Variants in GOLGA3 observed in about 807,000 individuals in gnomAD.
The protein encoded by GOLGA3 is golgin subfamily A member 3.
GOLGA3 carries 75 observed loss-of-function variants against 169.4 expected under a neutral mutation model. The observed-to-expected ratio is 0.44, with a 90% CI of 0.37 to 0.54. The LOEUF (loss-of-function observed/expected upper bound fraction) is 0.54. GOLGA3 is among the 20% of genes least tolerant of loss of function. The pLI is 0.00. For synonymous variants in GOLGA3, 824 were observed against 822.4 expected, an observed-to-expected ratio of 1.00 and a Z score of -0.03; for missense variants, 1,899 against 1,930.0, an observed-to-expected ratio of 0.98 and a Z score of 0.30.
In GOLGA3 at chr12:132,816,816, G is replaced by A; in HGVS notation, c.134-4C>T. 4 of 1,586,924 alleles carry A rather than the reference G, an allele frequency of 2.5e-6. No individual in the cohort carries two copies. The highest frequency in any genetic ancestry group is 3.4e-6 in the Non-Finnish European group (4 of 1,162,596). ...GATGCTCTGTTTACCTCGGCACCTG[G>A]AAAGACAGAGCACGCTGGACCACCA... On this transcript the variant is annotated splice_polypyrimidine_tract_variant and splice_region_variant and intron_variant, in intron 2 of 23. Transcript: ENST00000450791.
intron 8 of GOLGA3, 130 bp downstream of exon 8, chr12:132,801,636 TG>T: frequency 1.2e-6 from 1 of 821,300 alleles, no homozygotes; most frequent in Non-Finnish European, 2.0e-6. Flanking sequence ...GGACACGGGG[TG>T]GGCTGGACAG....
Position 132,808,410 on chromosome 12 carries a change from C to T in GOLGA3, c.659G>A (p.Gly220Glu). The change falls in exon 5 of 24, where the codon GGG (glycine) becomes GAG (glutamate). Residue 220 changes from glycine (G) to glutamate (E), a missense_variant. By Grantham distance (98) the Gly-to-Glu change is moderately conservative (BLOSUM62 -2). Coordinates refer to ENST00000450791, the MANE Select transcript of GOLGA3 (RefSeq NM_001389683.1). ...YSFLRTSVPRGPKVGSLGLPA... is the reference protein window; with the variant it reads ...YSFLRTSVPREPKVGSLGLPA... Reference sequence around the variant, plus strand: ...AAGCCCCAGGCTGCCCACCTTAGGCCCCCGAGGGACACTGGTGCGCAGGAA... The same window carrying T: ...AAGCCCCAGGCTGCCCACCTTAGGCTCCCGAGGGACACTGGTGCGCAGGAA... 6.2e-7 allele frequency: 1 copy of T among 1,614,126 alleles called. No individual in the cohort carries two copies. The highest frequency in any genetic ancestry group is 8.5e-7 in the Non-Finnish European group (1 of 1,180,026).
At chr12:132,802,033 C>T (rs538391557) in intron 7 of GOLGA3, 64 bp from the exon 8 acceptor site, 43 of 1,299,476 alleles carry the variant, frequency 3.3e-5, no homozygotes, top group Admixed American at 1.5e-4. Flanking sequence ...CGCAGCTCCG[C>T]GCGTGCGGGA....
chr12:132,782,628 GCA>G, intron 16 of GOLGA3, 135 bp from the exon 17 acceptor site: 2 of 711,636 alleles, frequency 2.8e-6, no homozygotes, highest in Non-Finnish European at 4.9e-6. Flanking sequence ...TGTAATCACA[GCA>G]CATTGGGAGG....
In GOLGA3 at chr12:132,822,168, C is replaced by T. The variant is rs746009464; in HGVS notation, c.-40G>A. 2 of 1,574,850 alleles carry T rather than the reference C, an allele frequency of 1.3e-6. No homozygotes were observed. Among genetic ancestry groups the T allele is most frequent in the African/African-American group, 2.8e-5 (2 of 72,186 alleles). On this transcript the variant is annotated 5_prime_UTR_variant, in exon 2 of 24. Coordinates refer to ENST00000450791, the MANE Select transcript of GOLGA3 (RefSeq NM_001389683.1). ...CAGCTGAGCTGACGCTGAGGGGCTA[C>T]AAGTGAACCTTGGACAAGCTTGGCT... is the stretch of plus-strand genomic sequence containing the variant.
upstream of GOLGA3, chr12:132,828,916 G>A (rs1417376218): frequency 6.6e-6 from 1 of 152,266 alleles, no homozygotes. Flanking sequence ...GAAACAGCCT[G>A]CACGCGCTAC....
chr12:132,811,058 G>GT (rs975490016), intron 4 of GOLGA3, among the ~76,000 whole-genome samples: 2 of 152,248 alleles, frequency 1.3e-5, no homozygotes, highest in Non-Finnish European at 2.9e-5. Context: ...CCCCTGTCCA[G>GT]TGGGCACGTG....
At position 132,816,664 on chromosome 12, in the gene GOLGA3, A is replaced by C; in HGVS notation, c.282T>G (p.Ser94=). 1 of 1,614,170 alleles carries C rather than the reference A, an allele frequency of 6.2e-7. No individual in the cohort carries two copies. Among genetic ancestry groups the C allele is most frequent in the Non-Finnish European group, 8.5e-7 (1 of 1,180,020 alleles). The part of the protein sequence containing the change: ...PTTSPVGPDA[S]PGVAGFHDNL... Reference sequence around the variant, plus strand: ...TGTCATGGAAACCAGCCACACCTGGAGAGGCATCAGGGCCCACTGGGCTTG... The same window carrying C: ...TGTCATGGAAACCAGCCACACCTGGCGAGGCATCAGGGCCCACTGGGCTTG... The change falls in exon 3 of 24, where the codon TCT becomes TCG. Residue 94 remains serine (S), a synonymous_variant. Coordinates refer to ENST00000450791, the MANE Select transcript of GOLGA3 (RefSeq NM_001389683.1).
intron 22 of GOLGA3, 120 bp from the exon 23 acceptor site, chr12:132,774,440 G>T: frequency 2.6e-6 from 3 of 1,151,698 alleles, no homozygotes; most frequent in Non-Finnish European, 3.7e-6. Flanking sequence ...CTGGGAAGGG[G>T]ACCGTCCTGG....
intron 2 of GOLGA3, among the ~76,000 whole-genome samples, chr12:132,818,464 T>C (rs1271279932): frequency 6.6e-6 from 1 of 152,210 alleles, no homozygotes; most frequent in African/African-American, 2.4e-5. Flanking sequence ...TTTCACCATG[T>C]TGGCCAGTCT....
At chr12:132,798,235 A>G in intron 9 of GOLGA3, 105 bp downstream of exon 9, 2 of 1,077,554 alleles carry the variant, frequency 1.9e-6, no homozygotes, top group South Asian at 1.6e-5. Flanking sequence ...CCATGAGAAT[A>G]TTTAAGAGAT....
At chr12:132,791,376 A>G in intron 11 of GOLGA3, 83 bp from the exon 12 acceptor site, 1 of 731,220 alleles carries the variant, frequency 1.4e-6, no homozygotes, top group Non-Finnish European at 2.4e-6. Context: ...TGAAGCCTCC[A>G]GGAGGGGAAC....
chr12:132,811,809 G>C (rs988112664), intron 4 of GOLGA3: 1 of 956,788 alleles, frequency 1.0e-6, no homozygotes, highest in African/African-American at 1.8e-5. Context: ...AGAAGAACAC[G>C]CTGGTCATTT....
At chr12:132,788,360 A>T (rs1256909031) in intron 13 of GOLGA3, among the ~76,000 whole-genome samples, 1 of 151,956 alleles carries the variant, frequency 6.6e-6, no homozygotes, top group Admixed American at 6.6e-5. Context: ...ACTCTCCCCA[A>T]ATTTACTGTT....
rs1182414085 is a variant in GOLGA3, at chr12:132,777,488, G to A, written c.3722+178C>T. 2.0e-5 allele frequency among the ~76,000 whole-genome samples: 3 copies of A among 152,244 alleles called. No individual in the cohort carries two copies. The highest frequency in any genetic ancestry group is 1.5e-5 in the Non-Finnish European group (1 of 68,036). On this transcript the variant is annotated intron_variant, in intron 19 of 23. Transcript: ENST00000450791. This position sits in a 1 kb window ranked among gnomAD's most constrained non-coding sequence, Gnocchi z 4.7. ...TCTCTTGGGGGGAGGACACGGGGCA[G>A]TGAGTGAGGCTCAGGATTCTGGAGA...
rs370641767 is a variant in GOLGA3, at chr12:132,777,471, G to T, written c.3722+195C>A. On this transcript the variant is annotated intron_variant, in intron 19 of 23. Coordinates refer to ENST00000450791, the MANE Select transcript of GOLGA3 (RefSeq NM_001389683.1). The surrounding 1 kb of genome is among the most constrained non-coding windows in gnomAD (Gnocchi z 4.7). The stretch of plus-strand genomic sequence containing the variant: ...CCTGCTGGGGCGCTTTCTCTCTTGG[G>T]GGGAGGACACGGGGCAGTGAGTGAG... Among the ~76,000 whole-genome samples the T allele has an allele frequency of 2.0e-5, 3 of 152,204 alleles. No individual in the cohort carries two copies. Among genetic ancestry groups the T allele is most frequent in the East Asian group, 1.9e-4 (1 of 5,186 alleles).
At chr12:132,823,876 A>G (rs1021117595) in intron 1 of GOLGA3, among the ~76,000 whole-genome samples, 2 of 151,918 alleles carry the variant, frequency 1.3e-5, no homozygotes, top group Non-Finnish European at 2.9e-5. Flanking sequence ...TGAGGTCAGA[A>G]TTTCAAGACC....
At chr12:132,815,899 T>C (rs1949935222) in intron 3 of GOLGA3, among the ~76,000 whole-genome samples, 1 of 151,902 alleles carries the variant, frequency 6.6e-6, no homozygotes, top group African/African-American at 2.4e-5. Context: ...ATCCTGACTC[T>C]AATTAAAAAA....
At chr12:132,794,450 T>C (rs1485693756) in intron 11 of GOLGA3, among the ~76,000 whole-genome samples, 1 of 151,652 alleles carries the variant, frequency 6.6e-6, no homozygotes, top group Non-Finnish European at 1.5e-5. Flanking sequence ...GTCGGCTGAC[T>C]ATGGTCCCCA....
Sources: allele counts gnomAD v4.1 joint callset (sites outside exome capture counted in the v4.1 genomes callset), GRCh38; gene constraint gnomAD v4.1.1; non-coding constraint Gnocchi (gnomAD v3.1); transcripts MANE v1.5; gene names NCBI Gene and HGNC (gene_info 2026-07-23, HGNC 2026-07-21).